CFTR: variants seen among roughly 807,000 people sequenced by gnomAD.
CFTR encodes the protein cystic fibrosis transmembrane conductance regulator.
CFTR carries 181 observed loss-of-function variants against 171.6 expected under a neutral mutation model. The ratio of observed to expected loss-of-function variants is 1.05; its 90% CI spans 0.93 to 1.19. CFTR has a LOEUF of 1.19. CFTR is among the 50% of genes most tolerant of loss of function. CFTR has a pLI of 0.00. For missense variants in CFTR, 1,968 were observed against 1,734.7 expected (o/e 1.13, Z -2.39); for synonymous variants, 583 against 608.0 (o/e 0.96, Z 0.60).
At chr7:117,505,412 T>C (rs1480963862) in intron 2 of CFTR, among the ~76,000 whole-genome samples, 1 of 152,052 alleles carries the variant, frequency 6.6e-6, no homozygotes, top group African/African-American at 2.4e-5. Flanking sequence ...AAGACCTAGG[T>C]GGAGAACTGG....
intron 2 of CFTR, among the ~76,000 whole-genome samples, chr7:117,506,405 C>T (rs1798418124): frequency 6.6e-6 from 1 of 152,110 alleles, no homozygotes; most frequent in South Asian, 2.1e-4. Flanking sequence ...CGCCACAATG[C>T]CTGGCTAATT....
intron 1 of CFTR, among the ~76,000 whole-genome samples, chr7:117,490,230 C>G (rs559737230): frequency 1.3e-5 from 2 of 151,524 alleles, no homozygotes; most frequent in African/African-American, 4.8e-5. Context: ...TTACATGGCA[C>G]AGTATTATTA....
intron 3 of CFTR, among the ~76,000 whole-genome samples, chr7:117,517,833 G>T (rs1345835707): frequency 2.0e-5 from 3 of 151,664 alleles, no homozygotes; most frequent in Admixed American, 1.3e-4. Context: ...TTTCATGTTT[G>T]TTGGCTGCAT....
At chr7:117,646,949 A>T (rs1256172572) in intron 23 of CFTR, among the ~76,000 whole-genome samples, 1 of 152,088 alleles carries the variant, frequency 6.6e-6, no homozygotes, top group Non-Finnish European at 1.5e-5. Flanking sequence ...TAAAGCATTA[A>T]GTAATTTTAG....
chr7:117,649,361 G>GAT (rs769699216), intron 23 of CFTR, among the ~76,000 whole-genome samples: 17 of 144,952 alleles, frequency 1.2e-4, no homozygotes, highest in South Asian at 4.4e-4. Context: ...CACACATCTA[G>GAT]ATATATATAT....
rs1489301294 is a variant in CFTR, at chr7:117,546,096, C to T, written c.1210-2545C>T. Among the ~76,000 whole-genome samples, 8 of 151,982 alleles carry T rather than the reference C, an allele frequency of 5.3e-5. 1 individual carries two copies. Among genetic ancestry groups the T allele is most frequent in the South Asian group, 2.1e-4 (1 of 4,818 alleles). On this transcript the variant is annotated intron_variant, in intron 9 of 26. Coordinates refer to ENST00000003084, the MANE Select transcript of CFTR (RefSeq NM_000492.4). ...GGAACCTCTGCTGCCCGGGTTCAAGCGATTCTCCTGCCTCAGCCTCCTGAG... is the reference window on the plus strand; with the variant it reads ...GGAACCTCTGCTGCCCGGGTTCAAGTGATTCTCCTGCCTCAGCCTCCTGAG...
rs923528873 is a variant in CFTR at position 117,652,954 on chromosome 7, T to G, written c.3963+23T>G. On this transcript the variant is annotated intron_variant, in intron 24 of 26. Coordinates refer to ENST00000003084, the MANE Select transcript of CFTR (RefSeq NM_000492.4). The stretch of plus-strand genomic sequence containing the variant: ...GAGGTAAGGCTGCTAACTGAAATGA[T>G]TTTGAAAGGGGTAACTCATACCAAC... 13 of 1,398,950 alleles carry G rather than the reference T, an allele frequency of 9.3e-6. 1 individual carries two copies. The Admixed American group carries it at 2.2e-4, about 23-fold the overall frequency. The allele number at this position is 1,398,950 out of a possible 1,614,324, so 86.7% of individuals were successfully genotyped here. A position where few individuals can be genotyped will look rare whatever the true frequency, so the allele number is the denominator to read the frequency against.
Position 117,590,389 on chromosome 7 carries a change from C to G in CFTR, c.1716C>G (p.Asp572Glu), listed in dbSNP as rs748393295. 2 of 1,603,432 alleles carry G rather than the reference C, an allele frequency of 1.2e-6. No homozygotes were observed. Among genetic ancestry groups the G allele is most frequent in the South Asian group, 2.2e-5 (2 of 90,920 alleles). ...AAGATGCTGATTTGTATTTATTAGA[C>G]TCTCCTTTTGGATACCTAGATGTTT... ...VYKDADLYLL[D>E]SPFGYLDVLT... Residue 572 changes from aspartate (D) to glutamate (E), a missense_variant, in exon 13 of 27, where the codon GAC becomes GAG. Coordinates refer to ENST00000003084, the MANE Select transcript of CFTR (RefSeq NM_000492.4).
intron 23 of CFTR, among the ~76,000 whole-genome samples, chr7:117,650,435 T>C (rs1370495456): frequency 6.6e-6 from 1 of 152,064 alleles, no homozygotes; most frequent in African/African-American, 2.4e-5. Context: ...CCCCATTTCA[T>C]AAAACATGGA....
At chr7:117,666,619 A>G (rs1352514048) in intron 26 of CFTR, among the ~76,000 whole-genome samples, 1 of 152,172 alleles carries the variant, frequency 6.6e-6, no homozygotes, top group Non-Finnish European at 1.5e-5. Flanking sequence ...TAGGTAATTT[A>G]TAAGGGACCT....
Position 117,543,269 on chromosome 7 carries a change from G to A in CFTR, c.1209+1161G>A, listed in dbSNP as rs567934270. The stretch of plus-strand genomic sequence containing the variant: ...TTCATTTTTTAAAGATATAGTAAGA[G>A]TAATTCCCATCTGCCTAGCAAAATT... On this transcript the variant is annotated intron_variant, in intron 9 of 26. Transcript: ENST00000003084. Among the ~76,000 whole-genome samples, 99 of 152,292 alleles carry A rather than the reference G, an allele frequency of 6.5e-4. No homozygotes were observed. The East Asian group carries it at 6.6e-3, about 10-fold the overall frequency.
At chr7:117,569,468 AT>A (rs749224372) in intron 11 of CFTR, among the ~76,000 whole-genome samples, 8 of 152,236 alleles carry the variant, frequency 5.3e-5, no homozygotes, top group Non-Finnish European at 1.2e-4. Context: ...ATAATCAAAA[AT>A]AGACAAGGCA....
intron 9 of CFTR, among the ~76,000 whole-genome samples, chr7:117,548,319 T>G (rs1799196406): frequency 6.9e-6 from 1 of 145,742 alleles, no homozygotes; most frequent in Admixed American, 6.9e-5. Context: ...TGTACCCCGC[T>G]TATAGGAGAA....
At chr7:117,626,908 T>C (rs936035664) in intron 21 of CFTR, among the ~76,000 whole-genome samples, 2 of 152,092 alleles carry the variant, frequency 1.3e-5, no homozygotes, top group African/African-American at 4.8e-5. Flanking sequence ...TAATTTCAAA[T>C]ATAACCCTTA....
intron 18 of CFTR, 94 bp from the exon 19 acceptor site, chr7:117,610,425 C>CAAAAAAAAAAAA: frequency 1.0e-6 from 1 of 959,012 alleles, no homozygotes. Context: ...TTAAAGTATG[C>CAAAAAAAAAAAA]AAAAAAAAAA....
chr7:117,552,515 T>C (rs1364000208), intron 10 of CFTR, among the ~76,000 whole-genome samples: 1 of 152,158 alleles, frequency 6.6e-6, no homozygotes, highest in Non-Finnish European at 1.5e-5. Flanking sequence ...TCCTTTCTTT[T>C]GAATATATTT....
At chr7:117,542,952 T>C (rs1162402519) in intron 9 of CFTR, among the ~76,000 whole-genome samples, 5 of 152,204 alleles carry the variant, frequency 3.3e-5, no homozygotes, top group Non-Finnish European at 5.9e-5. Context: ...AATAAAAGGA[T>C]GCGAGAGAGA....
chr7:117,602,235 C>A (rs1792237772), intron 15 of CFTR, among the ~76,000 whole-genome samples: 2 of 152,188 alleles, frequency 1.3e-5, no homozygotes, highest in Non-Finnish European at 2.9e-5. Flanking sequence ...TGAGTTTTGC[C>A]ACATTGGCCA....
intron 23 of CFTR, among the ~76,000 whole-genome samples, chr7:117,643,256 A>G (rs1400874321): frequency 1.3e-5 from 2 of 152,156 alleles, no homozygotes; most frequent in African/African-American, 2.4e-5. Context: ...AAATCTGGAC[A>G]GCATTTACTG....
Sources: gnomAD v4.1 joint callset for allele counts (sites outside exome capture counted in the v4.1 genomes callset) on GRCh38, gnomAD v4.1.1 for gene constraint, MANE v1.5 for transcripts, NCBI Gene and HGNC (gene_info 2026-07-23, HGNC 2026-07-21) for gene names.